DIAPH2: variants seen among roughly 807,000 people sequenced by gnomAD.
DIAPH2 encodes protein diaphanous homolog 2.
In DIAPH2, 35 loss-of-function variants were observed where a neutral mutation model predicts 92.7. The ratio of observed to expected loss-of-function variants is 0.38; its 90% CI spans 0.29 to 0.50. The LOEUF is 0.50. DIAPH2 is among the 20% of genes least tolerant of loss of function. DIAPH2 has a pLI of 0.94. For missense variants in DIAPH2, 701 were observed against 819.5 expected, an observed-to-expected ratio of 0.86 and a Z score of 1.77; for synonymous variants, 301 against 280.4, an observed-to-expected ratio of 1.07 and a Z score of -0.73.
chrX:96,836,537 A>C (rs2147694975), intron 4 of DIAPH2, among the ~76,000 whole-genome samples: 1 of 105,792 alleles, frequency 9.5e-6, no homozygotes, highest in East Asian at 2.9e-4. Context: ...CTGATAGGCT[A>C]AGTAATCAGG....
chrX:96,912,196 G>A (rs2065472694), intron 5 of DIAPH2, 132 bp from the exon 6 acceptor site: 1 of 534,393 alleles, frequency 1.9e-6, no homozygotes, highest in East Asian at 3.7e-5. Flanking sequence ...GAAGCAGTGG[G>A]AATTGAAAAA....
chrX:97,508,457 G>C (rs188701149), intron 26 of DIAPH2, among the ~76,000 whole-genome samples: 266 of 112,395 alleles, frequency 2.4e-3, no homozygotes, highest in Non-Finnish European at 4.4e-3. Context: ...CCTTTGTCAA[G>C]ACTAATGAGA....
intron 26 of DIAPH2, among the ~76,000 whole-genome samples, chrX:97,464,252 C>CAGG (rs1206480979): frequency 9.1e-5 from 8 of 88,080 alleles, no homozygotes; most frequent in African/African-American, 2.7e-4. Flanking sequence ...ATCACAAGGT[C>CAGG]AGATCGAGAC....
At chrX:97,234,346 A>G (rs1289535178) in intron 22 of DIAPH2, among the ~76,000 whole-genome samples, 2 of 107,202 alleles carry the variant, frequency 1.9e-5, no homozygotes, top group Non-Finnish European at 3.9e-5. Context: ...AAAAAAAAAA[A>G]AAGAAAAAAA....
chrX:97,516,783 G>A (rs1054758165), intron 26 of DIAPH2, among the ~76,000 whole-genome samples: 22 of 112,129 alleles, frequency 2.0e-4, no homozygotes, highest in Non-Finnish European at 3.6e-4. Flanking sequence ...GGGCAGTGGT[G>A]CAGTCATGGT....
intron 19 of DIAPH2, among the ~76,000 whole-genome samples, chrX:97,084,007 CT>C (rs770441895): frequency 2.8e-5 from 3 of 106,207 alleles, no homozygotes; most frequent in Admixed American, 1.0e-4. Context: ...TGTGAATAGG[CT>C]TTTTTTTTTC....
At chrX:97,189,937 G>C (rs1319313603) in intron 22 of DIAPH2, among the ~76,000 whole-genome samples, 1 of 112,896 alleles carries the variant, frequency 8.9e-6, no homozygotes, top group Non-Finnish European at 1.9e-5. Flanking sequence ...CTCTTACTTG[G>C]CTTGTTAAGT....
chrX:97,039,080 TGA>T (rs1403261985), intron 17 of DIAPH2, among the ~76,000 whole-genome samples: 6 of 111,353 alleles, frequency 5.4e-5, no homozygotes, highest in Admixed American at 3.8e-4. Flanking sequence ...TCACAAATAC[TGA>T]GTGTCATGAT....
chrX:97,254,476 G>A (rs1198254415), intron 23 of DIAPH2, among the ~76,000 whole-genome samples: 1 of 73,323 alleles, frequency 1.4e-5, no homozygotes, highest in Non-Finnish European at 2.4e-5. Flanking sequence ...TGGGCAACAA[G>A]AGCAAAACTC....
intron 22 of DIAPH2, among the ~76,000 whole-genome samples, chrX:97,182,813 G>A (rs2067550620): frequency 9.0e-6 from 1 of 111,298 alleles, no homozygotes; most frequent in Non-Finnish European, 1.9e-5. Context: ...TATACATTGA[G>A]TATATAGCTA....
At chrX:97,260,219 A>T (rs1046934162) in intron 23 of DIAPH2, among the ~76,000 whole-genome samples, 2 of 112,846 alleles carry the variant, frequency 1.8e-5, no homozygotes, top group Admixed American at 9.4e-5. Context: ...TGTGCCAGGC[A>T]CTGTGTCAGA....
intron 4 of DIAPH2, among the ~76,000 whole-genome samples, chrX:96,774,888 ATAAT>A (rs1311106237): frequency 8.9e-6 from 1 of 112,300 alleles, no homozygotes; most frequent in African/African-American, 3.2e-5. Flanking sequence ...CAGCAATAAA[ATAAT>A]TAAACATCGT....
At chrX:97,262,195 G>A (rs1477082364) in intron 23 of DIAPH2, among the ~76,000 whole-genome samples, 2 of 109,711 alleles carry the variant, frequency 1.8e-5, no homozygotes, top group African/African-American at 3.3e-5. Flanking sequence ...ATCATACAAT[G>A]ATAAGTGATA....
chrX:96,935,781 C>T (rs146345037), intron 10 of DIAPH2, among the ~76,000 whole-genome samples: 176 of 111,573 alleles, frequency 1.6e-3, no homozygotes, highest in South Asian at 0.015. Flanking sequence ...TGTTTTGTAA[C>T]GTTCTATGCT....
chrX:96,786,053 A>G (rs773699769), intron 4 of DIAPH2, among the ~76,000 whole-genome samples: 1 of 111,826 alleles, frequency 8.9e-6, no homozygotes. Context: ...AGGGTCAAGT[A>G]GAAACTTTCA....
chrX:97,019,556 G>T (rs1302072140), intron 17 of DIAPH2, among the ~76,000 whole-genome samples: 1 of 110,569 alleles, frequency 9.0e-6, no homozygotes, highest in East Asian at 2.8e-4. Flanking sequence ...CCTGAGGCCA[G>T]TGCTATTTTA....
At chrX:97,522,688 A>AT (rs922172521) in intron 26 of DIAPH2, among the ~76,000 whole-genome samples, 188 of 110,693 alleles carry the variant, frequency 1.7e-3, no homozygotes, top group African/African-American at 5.7e-3. Flanking sequence ...TGGAACCCTC[A>AT]TTTTTTTTTG....
intron 26 of DIAPH2, among the ~76,000 whole-genome samples, chrX:97,433,749 T>C (rs2070152901): frequency 8.9e-6 from 1 of 111,760 alleles, no homozygotes; most frequent in South Asian, 3.7e-4. Context: ...TGAGGGAAGA[T>C]GTAGAAATAA....
chrX:97,066,108 G>A (rs945234305), intron 17 of DIAPH2, among the ~76,000 whole-genome samples: 3 of 111,590 alleles, frequency 2.7e-5, no homozygotes, highest in Non-Finnish European at 3.8e-5. Flanking sequence ...TGTGAATTTG[G>A]TGTAGCCTAT....
Sources: gnomAD v4.1 joint callset for allele counts (sites outside exome capture counted in the v4.1 genomes callset) on GRCh38, gnomAD v4.1.1 for gene constraint, MANE v1.5 for transcripts, NCBI Gene and HGNC (gene_info 2026-07-23, HGNC 2026-07-21) for gene names.